Variants in SND1 observed in about 807,000 individuals in gnomAD.
SND1 encodes the protein staphylococcal nuclease domain-containing protein 1.
A neutral mutation model predicts 121.7 loss-of-function variants in SND1; 38 were observed. That is an observed-to-expected ratio of 0.31 (90% CI 0.24 to 0.41). SND1 has a LOEUF of 0.41. Ranked by LOEUF, SND1 falls within the 10% of genes least tolerant of loss-of-function variation. SND1 has a pLI of 1.00. For synonymous variants in SND1, 401 were observed against 447.4 expected, an observed-to-expected ratio of 0.90 and a Z score of 1.31; for missense variants, 868 against 1,184.6, an observed-to-expected ratio of 0.73 and a Z score of 3.92.
At chr7:127,860,082 G>C (rs1006132897) in intron 12 of SND1, among the ~76,000 whole-genome samples, 2 of 152,184 alleles carry the variant, frequency 1.3e-5, no homozygotes, top group African/African-American at 2.4e-5. Context: ...CTGCCTCCAG[G>C]TTAAAGTGTG....
chr7:127,690,189 C>T (rs1044571466), intron 2 of SND1, among the ~76,000 whole-genome samples: 6 of 151,982 alleles, frequency 3.9e-5, no homozygotes, highest in African/African-American at 1.2e-4. Context: ...CCTCATATTC[C>T]AAGACACTTT....
intron 15 of SND1, among the ~76,000 whole-genome samples, chr7:127,941,363 T>C (rs959703375): frequency 2.6e-5 from 4 of 152,184 alleles, no homozygotes; most frequent in African/African-American, 9.7e-5. Context: ...CTGTAGTTTT[T>C]CCTTAATATA....
chr7:128,001,862 C>T (rs768830992), intron 16 of SND1, among the ~76,000 whole-genome samples: 2 of 152,118 alleles, frequency 1.3e-5, no homozygotes, highest in African/African-American at 4.8e-5. Context: ...ACCCAGGAGG[C>T]GGAGGTTGCG....
intron 16 of SND1, among the ~76,000 whole-genome samples, chr7:128,010,579 A>G (rs1455737260): frequency 6.6e-6 from 1 of 152,224 alleles, no homozygotes; most frequent in Non-Finnish European, 1.5e-5. Context: ...GTTCAGCACC[A>G]GAGACACCAT....
At chr7:127,736,757 A>G (rs1471021507) in intron 10 of SND1, among the ~76,000 whole-genome samples, 1 of 152,178 alleles carries the variant, frequency 6.6e-6, no homozygotes, top group African/African-American at 2.4e-5. Context: ...CAGAATGCCC[A>G]TCCCCCCAAA....
chr7:127,978,780 A>G (rs1445183961), intron 15 of SND1, among the ~76,000 whole-genome samples: 1 of 152,142 alleles, frequency 6.6e-6, no homozygotes, highest in African/African-American at 2.4e-5. Flanking sequence ...CTGTACTATC[A>G]GGTTCAAGCG....
In SND1 at chr7:127,664,467, G is replaced by A. The variant is rs115150383; in HGVS notation, c.78+12016G>A. ...TTGGGGTTGGGGAAAATGGGGAGGT[G>A]CTGAGAGGGTGGTGTGCCCAGAGAG... On this transcript the variant is annotated intron_variant, in intron 1 of 23. Coordinates refer to ENST00000354725, the MANE Select transcript of SND1 (RefSeq NM_014390.4). Among the ~76,000 whole-genome samples, 639 of 152,312 alleles carry A rather than the reference G, an allele frequency of 4.2e-3. 6 individuals carry two copies. Among genetic ancestry groups the A allele is most frequent in the African/African-American group, 0.015 (614 of 41,568 alleles).
intron 11 of SND1, among the ~76,000 whole-genome samples, chr7:127,807,985 G>C (rs1292492256): frequency 6.6e-6 from 1 of 152,088 alleles, no homozygotes; most frequent in Non-Finnish European, 1.5e-5. Flanking sequence ...GGCTATAAGG[G>C]GAAGAGGGGA....
chr7:127,823,396 T>C (rs1384994761), intron 11 of SND1, among the ~76,000 whole-genome samples: 1 of 152,106 alleles, frequency 6.6e-6, no homozygotes, highest in African/African-American at 2.4e-5. Context: ...CTCAACATCT[T>C]ATTTCCTTCT....
chr7:128,031,051 AG>A (rs1792577519), intron 16 of SND1: 1 of 11,020 alleles, frequency 9.1e-5, no homozygotes, highest in Admixed American at 8.4e-4. Context: ...GGCAGAGGGG[AG>A]GGGAGGGGAG....
At chr7:127,984,592 G>A (rs765616872) in intron 15 of SND1, among the ~76,000 whole-genome samples, 2 of 152,172 alleles carry the variant, frequency 1.3e-5, no homozygotes, top group Non-Finnish European at 2.9e-5. Flanking sequence ...AACATTTATT[G>A]AGCGTCTCCA....
At chr7:127,854,552 A>G (rs1799234532) in intron 12 of SND1, among the ~76,000 whole-genome samples, 1 of 149,080 alleles carries the variant, frequency 6.7e-6, no homozygotes, top group Non-Finnish European at 1.5e-5. Flanking sequence ...TTATTTATTT[A>G]TTTATTTATT....
intron 11 of SND1, among the ~76,000 whole-genome samples, chr7:127,807,948 G>T (rs1227566563): frequency 6.6e-6 from 1 of 152,102 alleles, no homozygotes; most frequent in Non-Finnish European, 1.5e-5. Flanking sequence ...GCTTTTTCAT[G>T]CTTCCCCTAC....
chr7:127,786,374 T>C (rs532981366), intron 10 of SND1, among the ~76,000 whole-genome samples: 1 of 152,330 alleles, frequency 6.6e-6, no homozygotes, highest in East Asian at 1.9e-4. Flanking sequence ...TTACTGAGCA[T>C]GACTCACTTA....
At chr7:127,847,197 C>T (rs1039624469) in intron 12 of SND1, among the ~76,000 whole-genome samples, 6 of 151,998 alleles carry the variant, frequency 3.9e-5, no homozygotes, top group African/African-American at 9.7e-5. Flanking sequence ...GCTTGAACCC[C>T]GGAGGCGGGA....
intron 15 of SND1, among the ~76,000 whole-genome samples, chr7:127,981,111 A>G (rs1802248807): frequency 6.6e-6 from 1 of 152,198 alleles, no homozygotes; most frequent in Non-Finnish European, 1.5e-5. Flanking sequence ...CTGTCTGCAC[A>G]GTGCCACTGT....
intron 11 of SND1, among the ~76,000 whole-genome samples, chr7:127,829,542 G>A (rs1218543773): frequency 1.3e-5 from 2 of 152,162 alleles, no homozygotes; most frequent in African/African-American, 4.8e-5. Flanking sequence ...GCCACTGACT[G>A]CTCTCAACTG....
rs1034777362 is a variant in SND1, at chr7:128,052,267, G to T, written c.1780-22235G>T. 2.0e-5 allele frequency among the ~76,000 whole-genome samples: 3 copies of T among 152,146 alleles called. No individual in the cohort carries two copies. The highest frequency in any genetic ancestry group is 6.5e-5 in the Admixed American group (1 of 15,278). On this transcript the variant is annotated intron_variant, in intron 16 of 23. Transcript: ENST00000354725. The surrounding 1 kb of genome is among the most constrained non-coding windows in gnomAD (Gnocchi z 4.6). ...TTCTGCCTGGACTTAGGGATTACAG[G>T]CCATTTATGTCCAGCTCTAGCTCAG...
At chr7:127,795,948 C>G (rs1040338452) in intron 10 of SND1, among the ~76,000 whole-genome samples, 23 of 152,048 alleles carry the variant, frequency 1.5e-4, no homozygotes, top group Admixed American at 1.4e-3. Context: ...AGCTCCGCCT[C>G]CCGGGTTCAC....
Sources: allele counts gnomAD v4.1 joint callset (sites outside exome capture counted in the v4.1 genomes callset), GRCh38; gene constraint gnomAD v4.1.1; non-coding constraint Gnocchi (gnomAD v3.1); transcripts MANE v1.5; gene names NCBI Gene and HGNC (gene_info 2026-07-23, HGNC 2026-07-21).